Variants in PAX5 observed in about 807,000 individuals in gnomAD.
The protein encoded by PAX5 is paired box 5.
In PAX5, 9 loss-of-function variants were observed where a neutral mutation model predicts 43.7. The ratio of observed to expected loss-of-function variants is 0.21; its 90% CI spans 0.12 to 0.36. The LOEUF is 0.36. Among genes scored for constraint, PAX5 ranks in the 10% least tolerant of loss-of-function variants. The pLI, the probability that PAX5 is intolerant of heterozygous loss-of-function variation, is 1.00. For missense variants in PAX5, 383 were observed against 532.7 expected, an observed-to-expected ratio of 0.72 and a Z score of 2.77; for synonymous variants, 228 against 214.3, an observed-to-expected ratio of 1.06 and a Z score of -0.56.
intron 6 of PAX5, among the ~76,000 whole-genome samples, chr9:36,927,277 C>T (rs928164155): frequency 1.3e-5 from 2 of 152,186 alleles, no homozygotes; most frequent in African/African-American, 4.8e-5. Context: ...AGCCTCTTCT[C>T]TCTGACATGG....
At chr9:36,847,783 G>T (rs1463108789) in intron 8 of PAX5, among the ~76,000 whole-genome samples, 5 of 152,156 alleles carry the variant, frequency 3.3e-5, no homozygotes, top group Admixed American at 1.3e-4. Context: ...CTGGGCTCTG[G>T]GTGCCCGTCC....
rs200251700 is a variant in PAX5, at chr9:37,034,068, A to G, written c.-37T>C. Reference sequence around the variant, plus strand: ...AGGACTTGATGGAATGGACAGGGAAAAGTTTCCACTTTTTTGTGCCTTTTT... The same window carrying G: ...AGGACTTGATGGAATGGACAGGGAAGAGTTTCCACTTTTTTGTGCCTTTTT... On this transcript the variant is annotated 5_prime_UTR_variant, in exon 1 of 10. Transcript: ENST00000358127. 1 of 1,238,654 alleles carries G rather than the reference A, an allele frequency of 8.1e-7. No homozygotes were observed. The highest frequency in any genetic ancestry group is 1.1e-6 in the Non-Finnish European group (1 of 870,144). The allele number at this position is 1,238,654 out of a possible 1,614,324, so 76.7% of individuals were successfully genotyped here. A position where few individuals can be genotyped will look rare whatever the true frequency, so the allele number is the denominator to read the frequency against.
chr9:36,922,413 C>G lies in PAX5; in HGVS notation c.910+942G>C, dbSNP rs186351404. On this transcript the variant is annotated intron_variant, in intron 7 of 9. Coordinates refer to ENST00000358127, the MANE Select transcript of PAX5 (RefSeq NM_016734.3). ...CTTGTCTATTTGTGCAGTACCCGAG[C>G]GGGCCTCCTGCCTGCCCGGTTGGAC... 3.1e-3 allele frequency among the ~76,000 whole-genome samples: 468 copies of G among 152,302 alleles called. 1 individual carries two copies. The highest frequency in any genetic ancestry group is 0.01 in the African/African-American group (430 of 41,566).
chr9:36,939,840 C>A (rs1240450211), intron 6 of PAX5, among the ~76,000 whole-genome samples: 1 of 152,200 alleles, frequency 6.6e-6, no homozygotes, highest in African/African-American at 2.4e-5. Context: ...AGAGCGCTCG[C>A]GTGCGGGTGC....
At chr9:36,896,825 G>A (rs993180220) in intron 7 of PAX5, among the ~76,000 whole-genome samples, 1 of 152,190 alleles carries the variant, frequency 6.6e-6, no homozygotes, top group Non-Finnish European at 1.5e-5. Flanking sequence ...GGGTAGGGAC[G>A]CCACTAAACA....
intron 8 of PAX5, among the ~76,000 whole-genome samples, chr9:36,876,587 A>G (rs908128637): frequency 6.6e-6 from 1 of 152,238 alleles, no homozygotes; most frequent in Non-Finnish European, 1.5e-5. Context: ...AGGTTGCAAA[A>G]TATCTTCAGG....
intron 5 of PAX5, among the ~76,000 whole-genome samples, chr9:36,978,592 GTC>G (rs1357955172): frequency 1.3e-5 from 2 of 151,956 alleles, no homozygotes; most frequent in African/African-American, 4.8e-5. Flanking sequence ...TTAAATTACT[GTC>G]TGTATTTTTT....
Position 36,836,343 on chromosome 9 carries a change from T to C in PAX5, c.*4217A>G, listed in dbSNP as rs1821640217. 4.7e-5 allele frequency: 11 copies of C among 233,346 alleles called. No individual in the cohort carries two copies. In the East Asian group the frequency reaches 6.6e-4, roughly 14 times the overall value. The allele number at this position is 233,346 out of a possible 1,614,324, so 14.5% of individuals were successfully genotyped here. On this transcript the variant is annotated 3_prime_UTR_variant, in exon 10 of 10. Transcript: ENST00000358127. ...GTGCCCGTTTCTACCCCTGCCTTGC[T>C]GGACACCCTGAAGCACATCTCTCAC...
chr9:36,896,635 T>TCA (rs749836251), intron 7 of PAX5, among the ~76,000 whole-genome samples: 7 of 152,136 alleles, frequency 4.6e-5, no homozygotes, highest in Non-Finnish European at 8.8e-5. Flanking sequence ...TCTCACAGAA[T>TCA]CACCGGCTGC....
intron 8 of PAX5, among the ~76,000 whole-genome samples, chr9:36,850,312 A>G (rs1345993043): frequency 6.6e-6 from 1 of 152,248 alleles, no homozygotes; most frequent in Non-Finnish European, 1.5e-5. Context: ...GCTTGCAGTC[A>G]GGGGGCCCCT....
intron 5 of PAX5, among the ~76,000 whole-genome samples, chr9:36,972,380 T>C (rs922232302): frequency 2.0e-5 from 3 of 152,190 alleles, no homozygotes; most frequent in African/African-American, 7.2e-5. Context: ...TTCCTCTCCC[T>C]CTCTGAGCCT....
chr9:36,954,542 A>G (rs73455461), intron 6 of PAX5, among the ~76,000 whole-genome samples: 1,710 of 152,288 alleles, frequency 0.011, 31 homozygotes, highest in African/African-American at 0.038. Context: ...ACACTCGAAG[A>G]TATTTTCTGT....
chr9:36,964,904 T>C (rs554937155), intron 6 of PAX5, among the ~76,000 whole-genome samples: 1 of 152,004 alleles, frequency 6.6e-6, no homozygotes, highest in African/African-American at 2.4e-5. Flanking sequence ...CTCAACCCAG[T>C]CTACAAGACC....
intron 6 of PAX5, among the ~76,000 whole-genome samples, chr9:36,939,525 T>G (rs984701925): frequency 6.6e-5 from 10 of 152,224 alleles, no homozygotes; most frequent in Non-Finnish European, 1.3e-4. Flanking sequence ...TTTACCTGTT[T>G]GTCTTTTATA....
intron 6 of PAX5, among the ~76,000 whole-genome samples, chr9:36,934,006 G>A (rs1233562047): frequency 6.6e-6 from 1 of 152,196 alleles, no homozygotes; most frequent in Non-Finnish European, 1.5e-5. Flanking sequence ...CCCCAGGAAG[G>A]GCTTAGGTTC....
chr9:37,006,704 G>A (rs1196691099), intron 3 of PAX5, among the ~76,000 whole-genome samples, 167 bp from the exon 4 acceptor site: 1 of 152,200 alleles, frequency 6.6e-6, no homozygotes, highest in Non-Finnish European at 1.5e-5. Context: ...GCTGGAATCA[G>A]GAGGGTGGAA....
At chr9:36,989,876 C>G (rs1391118408) in intron 5 of PAX5, among the ~76,000 whole-genome samples, 1 of 152,226 alleles carries the variant, frequency 6.6e-6, no homozygotes, top group Non-Finnish European at 1.5e-5. Context: ...GTGCTGGGCA[C>G]TAAGGTGACA....
chr9:36,845,616 T>C (rs1277361897), intron 9 of PAX5, among the ~76,000 whole-genome samples: 1 of 152,170 alleles, frequency 6.6e-6, no homozygotes, highest in Non-Finnish European at 1.5e-5. Context: ...CCCCAAGTCA[T>C]GCATGACACA....
chr9:36,935,532 G>T (rs977741687), intron 6 of PAX5, among the ~76,000 whole-genome samples: 1 of 152,210 alleles, frequency 6.6e-6, no homozygotes, highest in African/African-American at 2.4e-5. Flanking sequence ...GTTCCCAAGT[G>T]GTGGTGGGTA....
Sources: gnomAD v4.1 joint callset for allele counts (sites outside exome capture counted in the v4.1 genomes callset) on GRCh38, gnomAD v4.1.1 for gene constraint, MANE v1.5 for transcripts, NCBI Gene and HGNC (gene_info 2026-07-23, HGNC 2026-07-21) for gene names.